Variants in REDIC1 observed in about 807,000 individuals in gnomAD.
REDIC1 encodes the protein regulator of DNA class I crossover intermediates 1, also known as HEI10 Interacting Protein 1.
the REDIC1 span, among the ~76,000 whole-genome samples, chr12:39,676,134 G>T: frequency 6.6e-6 from 1 of 151,918 alleles, no homozygotes; most frequent in Non-Finnish European, 1.5e-5. Context: ...AATTCAGAAG[G>T]TTGATTAATA....
chr12:39,799,998 T>G, the REDIC1 span, among the ~76,000 whole-genome samples: 8 of 152,210 alleles, frequency 5.3e-5, no homozygotes, highest in Non-Finnish European at 1.2e-4. Context: ...TGAAGATTGA[T>G]GTCTACCTTT....
the REDIC1 span, among the ~76,000 whole-genome samples, chr12:39,856,431 T>C: frequency 6.6e-6 from 1 of 152,152 alleles, no homozygotes; most frequent in Non-Finnish European, 1.5e-5. Context: ...TGCAGTGGCG[T>C]GATCTCGGCT....
chr12:39,712,398 G>A, the REDIC1 span, among the ~76,000 whole-genome samples: 1 of 122,678 alleles, frequency 8.2e-6, no homozygotes, highest in South Asian at 2.5e-4. Flanking sequence ...ATACCTGTAT[G>A]TATATATACA....
At chr12:39,648,083 A>G in the REDIC1 span, 1 of 743,428 alleles carries the variant, frequency 1.3e-6, no homozygotes, top group African/African-American at 1.8e-5. Context: ...ATTGCTATAC[A>G]TATAAACAAA....
the REDIC1 span, chr12:39,721,047 C>T: frequency 9.9e-6 from 16 of 1,613,612 alleles, no homozygotes; most frequent in South Asian, 2.2e-5. Context: ...ATGATAACTG[C>T]GTTCTGCAGG....
the REDIC1 span, among the ~76,000 whole-genome samples, chr12:39,848,320 C>A: frequency 1.3e-5 from 2 of 151,872 alleles, no homozygotes; most frequent in Non-Finnish European, 2.9e-5. Flanking sequence ...AGGAACTTAG[C>A]AAATTTACAA....
the REDIC1 span, among the ~76,000 whole-genome samples, chr12:39,732,979 G>T: frequency 6.6e-6 from 1 of 151,708 alleles, no homozygotes; most frequent in African/African-American, 2.4e-5. Flanking sequence ...TTTTTAAATT[G>T]GAGGTGATAC....
At chr12:39,854,967 T>A in the REDIC1 span, among the ~76,000 whole-genome samples, 2 of 152,322 alleles carry the variant, frequency 1.3e-5, no homozygotes, top group Admixed American at 1.3e-4. Context: ...CCTGTAAACT[T>A]GGATGAAAAG....
At chr12:39,664,097 T>C in the REDIC1 span, among the ~76,000 whole-genome samples, 2 of 152,032 alleles carry the variant, frequency 1.3e-5, no homozygotes, top group African/African-American at 2.4e-5. Context: ...TTTTAAACTT[T>C]AAGTTTTAGG....
chr12:39,721,979 C>A, the REDIC1 span: 1 of 151,918 alleles, frequency 6.6e-6, no homozygotes, highest in African/African-American at 2.4e-5. Context: ...AAAATATAGG[C>A]TTTGTTTCTA....
the REDIC1 span, among the ~76,000 whole-genome samples, chr12:39,799,375 G>C: frequency 6.7e-6 from 1 of 149,932 alleles, no homozygotes; most frequent in South Asian, 2.1e-4. Context: ...CTTCCAAAGT[G>C]CTGGAATTAC....
At chr12:39,811,544 T>G in the REDIC1 span, among the ~76,000 whole-genome samples, 3 of 152,168 alleles carry the variant, frequency 2.0e-5, no homozygotes, top group Admixed American at 2.0e-4. Flanking sequence ...TCTAATTACC[T>G]TGTGATGTCC....
the REDIC1 span, among the ~76,000 whole-genome samples, chr12:39,832,211 C>T: frequency 1.3e-5 from 2 of 152,142 alleles, no homozygotes; most frequent in Non-Finnish European, 2.9e-5. Context: ...CACTGAGTGT[C>T]TGGCTTTGAG....
At chr12:39,666,653 C>A in the REDIC1 span, among the ~76,000 whole-genome samples, 2 of 152,098 alleles carry the variant, frequency 1.3e-5, no homozygotes, top group African/African-American at 4.8e-5. Context: ...ACCAGCTCCT[C>A]CTTGTACCTT....
At chr12:39,720,532 C>G in the REDIC1 span, among the ~76,000 whole-genome samples, 1 of 152,020 alleles carries the variant, frequency 6.6e-6, no homozygotes, top group African/African-American at 2.4e-5. Context: ...TCCTTTTTAC[C>G]TCTTTTGCAT....
At chr12:39,776,369 ACCTG>A in the REDIC1 span, among the ~76,000 whole-genome samples, 6 of 151,906 alleles carry the variant, frequency 3.9e-5, no homozygotes, top group African/African-American at 1.5e-4. Context: ...CCCCTGCAAA[ACCTG>A]CCTGCCTGGC....
chr12:39,633,430 T>C, the REDIC1 span, among the ~76,000 whole-genome samples: 1 of 152,144 alleles, frequency 6.6e-6, no homozygotes, highest in Admixed American at 6.5e-5. Flanking sequence ...AATGCCTTCT[T>C]CTGGAACACC....
chr12:39,704,929 G>T, the REDIC1 span, among the ~76,000 whole-genome samples: 914 of 152,212 alleles, frequency 6.0e-3, 2 homozygotes, highest in Middle Eastern at 0.037. Context: ...TTGTGGCGTG[G>T]GGGGAGGGAG....
chr12:39,889,912 G>T, the REDIC1 span, among the ~76,000 whole-genome samples: 1 of 151,988 alleles, frequency 6.6e-6, no homozygotes, highest in Non-Finnish European at 1.5e-5. Flanking sequence ...CATTTTTACT[G>T]AAAATAAATA....
Sources: gnomAD v4.1 joint callset for allele counts (sites outside exome capture counted in the v4.1 genomes callset) on GRCh38, gnomAD v4.1.1 for gene constraint, MANE v1.5 for transcripts, NCBI Gene and HGNC (gene_info 2026-07-23, HGNC 2026-07-21) for gene names.